The following NXPE1 variants were observed in gnomAD, a reference collection of about 807,000 sequenced individuals.
NXPE1 encodes the protein NXPE family member 1.
NXPE1 carries 31 observed loss-of-function variants against 33.3 expected under a neutral mutation model. The observed-to-expected ratio is 0.93, with a 90% confidence interval of 0.70 to 1.26. The LOEUF (loss-of-function observed/expected upper bound fraction) is 1.26, where lower values mean the gene tolerates loss of function less well. Ranked by LOEUF, NXPE1 falls within the 50% of genes most tolerant of loss-of-function variation. The pLI is 0.00. For missense variants in NXPE1, 661 were observed against 655.6 expected, an observed-to-expected ratio of 1.01 and a Z score of -0.09; for synonymous variants, 229 against 231.4, an observed-to-expected ratio of 0.99 and a Z score of 0.09.
At chr11:114,528,396 T>G (rs1042175254) in intron 6 of NXPE1, among the ~76,000 whole-genome samples, 4 of 152,180 alleles carry the variant, frequency 2.6e-5, no homozygotes, top group African/African-American at 9.7e-5. Context: ...ACCCAAGGAA[T>G]CCAGCCTTTT....
intron 5 of NXPE1, among the ~76,000 whole-genome samples, chr11:114,538,908 A>G (rs999452313): frequency 4.8e-4 from 73 of 152,204 alleles, no homozygotes; most frequent in Non-Finnish European, 7.4e-4. Flanking sequence ...TAGAAATACC[A>G]TTTGACCCAG....
chr11:114,529,942 C>G (rs1947514775), intron 6 of NXPE1: 2 of 489,726 alleles, frequency 4.1e-6, no homozygotes, highest in Non-Finnish European at 3.6e-6. Flanking sequence ...AGTGGAACAT[C>G]TGTGAACACA....
chr11:114,540,069 C>G (rs1343517887), intron 5 of NXPE1, among the ~76,000 whole-genome samples: 13 of 152,222 alleles, frequency 8.5e-5, no homozygotes, highest in Admixed American at 6.5e-5. Context: ...GATTCTCCTG[C>G]CTCAGCCGCC....
At chr11:114,554,819 G>T (rs1196408302) in intron 1 of NXPE1, among the ~76,000 whole-genome samples, 1 of 152,058 alleles carries the variant, frequency 6.6e-6, no homozygotes, top group Non-Finnish European at 1.5e-5. Context: ...TGAAAATAAA[G>T]GTGTTATTTT....
At chr11:114,528,736 G>A in intron 6 of NXPE1, 1 of 568,310 alleles carries the variant, frequency 1.8e-6, no homozygotes, top group South Asian at 2.3e-5. Context: ...GAGGAAGGAA[G>A]AAAGGGATTA....
intron 5 of NXPE1, among the ~76,000 whole-genome samples, chr11:114,549,252 G>T (rs1265133926): frequency 6.6e-6 from 1 of 151,806 alleles, no homozygotes; most frequent in Non-Finnish European, 1.5e-5. Context: ...AAAACAAAAA[G>T]CTTCCAAATC....
chr11:114,537,048 C>T lies in NXPE1; in HGVS notation c.100-6140G>A, dbSNP rs528440963. Among the ~76,000 whole-genome samples, 10 of 152,084 alleles carry T rather than the reference C, an allele frequency of 6.6e-5. No individual in the cohort carries two copies. The East Asian group carries it at 7.7e-4, about 12-fold the overall frequency. ...AATCCGCAATAAAATACTGGCAAAC[C>T]GAATCCAGCAACACATCAAAAAGCT... On this transcript the variant is annotated intron_variant, in intron 5 of 8. Coordinates refer to ENST00000534921, the Ensembl canonical transcript of NXPE1.
intron 5 of NXPE1, among the ~76,000 whole-genome samples, chr11:114,548,260 A>G (rs1196325091): frequency 6.6e-6 from 1 of 152,162 alleles, no homozygotes. Flanking sequence ...TGACTTATTT[A>G]TAGCATGCCA....
chr11:114,529,943 T>C (rs1947514862), intron 6 of NXPE1: 5 of 492,048 alleles, frequency 1.0e-5, no homozygotes, highest in Non-Finnish European at 1.4e-5. Flanking sequence ...GTGGAACATC[T>C]GTGAACACAT....
chr11:114,558,059 A>G (rs1184796689), intron 1 of NXPE1, among the ~76,000 whole-genome samples: 1 of 151,990 alleles, frequency 6.6e-6, no homozygotes, highest in African/African-American at 2.4e-5. Flanking sequence ...TTGCTCTCTG[A>G]CGCTTAACAG....
intron 5 of NXPE1, among the ~76,000 whole-genome samples, chr11:114,544,850 C>G (rs1057091359): frequency 6.6e-6 from 1 of 151,932 alleles, no homozygotes; most frequent in Non-Finnish European, 1.5e-5. Context: ...CTAGAATATA[C>G]AAAGAACTCT....
At chr11:114,521,956 A>G (rs762893267) in exon 9 of NXPE1, 3 of 1,574,766 alleles carry the variant, frequency 1.9e-6, no homozygotes, top group South Asian at 1.1e-5. Context: ...GATTTTGTAT[A>G]GTATTTATCC....
intron 1 of NXPE1, among the ~76,000 whole-genome samples, chr11:114,559,158 A>G (rs1238696150): frequency 6.6e-6 from 1 of 152,218 alleles, no homozygotes; most frequent in Non-Finnish European, 1.5e-5. Context: ...ACTCAAAGAC[A>G]AAAATTAAAA....
intron 1 of NXPE1, among the ~76,000 whole-genome samples, chr11:114,556,509 G>A (rs1214367425): frequency 6.6e-6 from 1 of 151,790 alleles, no homozygotes; most frequent in Admixed American, 6.6e-5. Context: ...TCTCCAGGCT[G>A]CAAGTCTGCA....
At chr11:114,556,723 T>C (rs1948656876) in intron 1 of NXPE1, among the ~76,000 whole-genome samples, 1 of 152,082 alleles carries the variant, frequency 6.6e-6, no homozygotes, top group Non-Finnish European at 1.5e-5. Context: ...TTTAATACTG[T>C]TCTATGAGAA....
intron 5 of NXPE1, among the ~76,000 whole-genome samples, chr11:114,536,608 C>T (rs1018215081): frequency 3.9e-5 from 6 of 152,018 alleles, no homozygotes; most frequent in African/African-American, 7.2e-5. Context: ...ATATCACCAC[C>T]GATCCCACAG....
intron 5 of NXPE1, among the ~76,000 whole-genome samples, chr11:114,537,161 C>T (rs140617045): frequency 1.1e-4 from 17 of 152,096 alleles, no homozygotes; most frequent in Admixed American, 3.3e-4. Context: ...AGCATATAAA[C>T]AGAACCAAAG....
intron 1 of NXPE1, chr11:114,554,006 T>G: frequency 1.0e-6 from 1 of 985,422 alleles, no homozygotes; most frequent in Non-Finnish European, 1.2e-6. Context: ...AATTGCAATG[T>G]TTTTTCTTCT....
At chr11:114,537,653 C>A (rs538032425) in intron 5 of NXPE1, among the ~76,000 whole-genome samples, 297 of 152,096 alleles carry the variant, frequency 2.0e-3, no homozygotes, top group Non-Finnish European at 3.1e-3. Flanking sequence ...AAACAGAGAG[C>A]CAAATCATGA....
Sources: allele counts gnomAD v4.1 joint callset (sites outside exome capture counted in the v4.1 genomes callset), GRCh38; gene constraint gnomAD v4.1.1; transcripts MANE v1.5; gene names NCBI Gene and HGNC (gene_info 2026-07-23, HGNC 2026-07-21).